Variants in PRPF6 observed in about 807,000 individuals in gnomAD.
The protein encoded by PRPF6 is pre-mRNA-processing factor 6.
Under a neutral mutation model 118.3 loss-of-function variants are expected in PRPF6, and 42 were observed. That is an observed-to-expected ratio of 0.35 (90% CI 0.28 to 0.46). PRPF6 has a LOEUF of 0.46. Among genes scored for constraint, PRPF6 ranks in the 20% least tolerant of loss-of-function variants. The pLI is 1.00. For synonymous variants in PRPF6, 481 were observed against 485.1 expected (o/e 0.99, Z 0.11); for missense variants, 662 against 1,255.7 (o/e 0.53, Z 7.15).
At chr20:63,999,248 G>A (rs556609915) in intron 7 of PRPF6, 109 bp downstream of exon 7, 1 of 918,458 alleles carries the variant, frequency 1.1e-6, no homozygotes, top group Non-Finnish European at 1.8e-6. Context: ...GCGGTTCTAA[G>A]AAATGTAAAG....
chr20:64,027,729 G>A lies in PRPF6; in HGVS notation c.2332G>A (p.Gly778Arg), dbSNP rs1406910566. 1.2e-6 allele frequency: 2 copies of A among 1,613,808 alleles called. No individual in the cohort carries two copies. Among genetic ancestry groups the A allele is most frequent in the African/African-American group, 2.7e-5 (2 of 74,922 alleles). The change falls in exon 17 of 21, where the codon GGG becomes AGG. Residue 778 changes from glycine to arginine, a missense_variant. Around this residue, in one of 10 missense-constraint regions of PRPF6, gnomAD observed 244 missense variants for 383.7 expected, o/e 0.64. Coordinates refer to ENST00000266079, the MANE Select transcript of PRPF6 (RefSeq NM_012469.4). This position sits in a 1 kb window ranked among gnomAD's most constrained non-coding sequence, Gnocchi z 6.5. ...KSRLKNPKNP[G>R]LWLESVRLEY... ...TCGTCTGAAGAACCCAAAGAACCCT[G>A]GGCTGTGGTGAGTCCTGGAGGGGGC... is the stretch of plus-strand genomic sequence containing the variant.
rs749613359 is a variant in PRPF6 at position 64,029,258 on chromosome 20, G to A, written c.2432-119G>A. The A allele has an allele frequency of 2.0e-5, 17 of 850,576 alleles. No homozygotes were observed. Among genetic ancestry groups the A allele is most frequent in the East Asian group, 1.5e-4 (6 of 41,046 alleles). 52.7% of individuals were successfully genotyped at this position (850,576 alleles called of 1,614,324 possible). A position where few individuals can be genotyped will look rare whatever the true frequency, so the allele number is the denominator to read the frequency against. On this transcript the variant is annotated intron_variant, in intron 18 of 20. Transcript: ENST00000266079. This position sits in a 1 kb window ranked among gnomAD's most constrained non-coding sequence, Gnocchi z 4.8. ...TCTCCTTGCACAAGTTCTGCGAGCC[G>A]TGTGTGGGAGGCCCCTGTCGTGGTC...
chr20:64,000,959 C>G, intron 8 of PRPF6, 118 bp from the exon 9 acceptor site: 1 of 1,063,186 alleles, frequency 9.4e-7, no homozygotes, highest in South Asian at 1.3e-5. Context: ...AGAGGCTGAG[C>G]TAATTGGCTT....
chr20:64,029,799 A>T lies in PRPF6; in HGVS notation c.2546+308A>T, dbSNP rs2059307101. ...TGGTGCGCTGGCCGCCAGGTCAGAGACTCACCGGGGACGCATGTGATTCAC... is the reference window on the plus strand; with the variant it reads ...TGGTGCGCTGGCCGCCAGGTCAGAGTCTCACCGGGGACGCATGTGATTCAC... On this transcript the variant is annotated intron_variant, in intron 19 of 20. Coordinates refer to ENST00000266079, the MANE Select transcript of PRPF6 (RefSeq NM_012469.4). This position sits in a 1 kb window ranked among gnomAD's most constrained non-coding sequence, Gnocchi z 4.8. Among the ~76,000 whole-genome samples the T allele has an allele frequency of 7.2e-6, 1 of 139,316 alleles. No individual in the cohort carries two copies. The highest frequency in any genetic ancestry group is 2.3e-4 in the South Asian group (1 of 4,276). The allele number at this position is 139,316 out of a possible 152,430, so 91.4% of individuals were successfully genotyped here.
chr20:64,005,234 G>A (rs941653019), intron 9 of PRPF6, among the ~76,000 whole-genome samples: 6 of 152,132 alleles, frequency 3.9e-5, no homozygotes, highest in African/African-American at 1.4e-4. Flanking sequence ...AGATGCCATG[G>A]AGATATGTCA....
intron 3 of PRPF6, among the ~76,000 whole-genome samples, chr20:63,989,085 G>C (rs778677929): frequency 2.7e-4 from 41 of 151,940 alleles, no homozygotes; most frequent in Non-Finnish European, 5.0e-4. Context: ...AAACAAATAG[G>C]TACCTCTACA....
intron 20 of PRPF6, 117 bp downstream of exon 20, chr20:64,032,161 G>A: frequency 6.6e-7 from 1 of 1,513,050 alleles, no homozygotes. Context: ...CCGGGGTCGG[G>A]AGGATGGACC....
Position 64,016,947 on chromosome 20 carries a change from T to G in PRPF6, c.1647+102T>G, listed in dbSNP as rs1222805629. On this transcript the variant is annotated intron_variant, in intron 12 of 20. Coordinates refer to ENST00000266079, the MANE Select transcript of PRPF6 (RefSeq NM_012469.4). ...TAGGCTATTTTAAAACTCTTTTTTT[T>G]TTTTTTTAAATCTGAGACGGGGTCT... 2.6e-6 allele frequency: 4 copies of G among 1,530,632 alleles called. No individual in the cohort carries two copies. The Admixed American group carries it at 7.4e-5, about 28-fold the overall frequency. 94.8% of individuals were successfully genotyped at this position (1,530,632 alleles called of 1,614,324 possible). A position where few individuals can be genotyped will look rare whatever the true frequency, so the allele number is the denominator to read the frequency against.
At chr20:63,995,767 C>T (rs1601514432) in intron 6 of PRPF6, among the ~76,000 whole-genome samples, 1 of 151,880 alleles carries the variant, frequency 6.6e-6, no homozygotes. Context: ...AGTGATTCTC[C>T]TACCTCAGCC....
At chr20:64,024,392 A>G (rs1324441257) in intron 13 of PRPF6, among the ~76,000 whole-genome samples, 163 bp from the exon 14 acceptor site, 1 of 152,194 alleles carries the variant, frequency 6.6e-6, no homozygotes, top group Non-Finnish European at 1.5e-5. Context: ...TGGAGAGGAA[A>G]GATTTCCCCA....
rs951967387 is a variant in PRPF6 at position 64,027,793 on chromosome 20, C to T, written c.2339+57C>T. On this transcript the variant is annotated intron_variant, in intron 17 of 20. Transcript: ENST00000266079. The surrounding 1 kb of genome is among the most constrained non-coding windows in gnomAD (Gnocchi z 6.5). ...GGCACAGCTTCCCCATCAGGTGGGC[C>T]GCCGTCACCCAGCTGCTTGTGTGGA... 61 of 1,607,916 alleles carry T rather than the reference C, an allele frequency of 3.8e-5. No homozygotes were observed. In the East Asian group the frequency reaches 4.7e-4, roughly 12 times the overall value.
In PRPF6 at chr20:64,032,975, C is replaced by T. The variant is rs757229674; in HGVS notation, c.2808C>T (p.Arg936=). ...ACATCCTTAGGCTGGTGGCCGGCCGCATCAAGAACACCTTCTGATTGAGCG... is the reference window on the plus strand; with the variant it reads ...ACATCCTTAGGCTGGTGGCCGGCCGTATCAAGAACACCTTCTGATTGAGCG... ...IGDILRLVAG[R]IKNTF The change falls in exon 21 of 21, where the codon CGC becomes CGT. Residue 936 remains arginine (R), a synonymous_variant. Coordinates refer to ENST00000266079, the MANE Select transcript of PRPF6 (RefSeq NM_012469.4). 4.3e-6 allele frequency: 7 copies of T among 1,613,344 alleles called. No individual in the cohort carries two copies. The highest frequency in any genetic ancestry group is 5.9e-6 in the Non-Finnish European group (7 of 1,180,020).
Position 63,981,166 on chromosome 20 carries a change from T to C in PRPF6, c.-80T>C. On this transcript the variant is annotated 5_prime_UTR_variant, in exon 1 of 21. Transcript: ENST00000266079. ...ACTTTGCTACGGAGTGCATCGGACG[T>C]CGAAGCCTAGAGTCTCTGCGTCTTT... 2 of 1,457,732 alleles carry C rather than the reference T, an allele frequency of 1.4e-6. No individual in the cohort carries two copies. The highest frequency in any genetic ancestry group is 1.2e-5 in the South Asian group (1 of 82,196). The allele number at this position is 1,457,732 out of a possible 1,614,324, so 90.3% of individuals were successfully genotyped here. A position where few individuals can be genotyped will look rare whatever the true frequency, so the allele number is the denominator to read the frequency against.
At chr20:63,996,155 A>G (rs141767809) in intron 6 of PRPF6, among the ~76,000 whole-genome samples, 1,759 of 151,448 alleles carry the variant, frequency 0.012, 29 homozygotes, top group African/African-American at 0.04. Flanking sequence ...CCTGGCCAAC[A>G]TGGTGAAACC....
At chr20:64,022,453 G>T (rs889975101) in intron 12 of PRPF6, among the ~76,000 whole-genome samples, 1 of 152,112 alleles carries the variant, frequency 6.6e-6, no homozygotes, top group South Asian at 2.1e-4. Context: ...GATTACAGGC[G>T]CATGCCACCA....
rs2059064269 is a variant in PRPF6, at chr20:63,981,174, T to C, written c.-72T>C. ...ACGGAGTGCATCGGACGTCGAAGCC[T>C]AGAGTCTCTGCGTCTTTCCCTCTTC... On this transcript the variant is annotated 5_prime_UTR_variant, in exon 1 of 21. Transcript: ENST00000266079. The C allele has an allele frequency of 6.7e-7, 1 of 1,488,182 alleles. No homozygotes were observed. Among genetic ancestry groups the C allele is most frequent in the Admixed American group, 1.9e-5 (1 of 51,360 alleles). 92.2% of individuals were successfully genotyped at this position (1,488,182 alleles called of 1,614,324 possible).
chr20:64,022,497 A>G (rs1033013921), intron 12 of PRPF6, among the ~76,000 whole-genome samples: 3 of 152,144 alleles, frequency 2.0e-5, no homozygotes, highest in Non-Finnish European at 2.9e-5. Flanking sequence ...TAGTAGAGAT[A>G]GGTTTTCACT....
intron 3 of PRPF6, among the ~76,000 whole-genome samples, chr20:63,987,643 T>C (rs2059100570): frequency 6.6e-6 from 1 of 152,226 alleles, no homozygotes; most frequent in Admixed American, 6.5e-5. Flanking sequence ...GGCATCCAGA[T>C]TGGAAAAGAA....
chr20:63,984,448 A>G (rs1459816497), intron 2 of PRPF6, among the ~76,000 whole-genome samples: 1 of 152,168 alleles, frequency 6.6e-6, no homozygotes, highest in East Asian at 1.9e-4. Flanking sequence ...TAGTTTTGAA[A>G]TAATTTTAAA....
Sources: allele counts gnomAD v4.1 joint callset (sites outside exome capture counted in the v4.1 genomes callset), GRCh38; gene constraint gnomAD v4.1.1; regional missense constraint gnomAD v4.1.1; non-coding constraint Gnocchi (gnomAD v3.1); transcripts MANE v1.5; gene names NCBI Gene and HGNC (gene_info 2026-07-23, HGNC 2026-07-21).